ACADL: variants seen among roughly 807,000 people sequenced by gnomAD.
ACADL encodes acyl-CoA dehydrogenase long chain.
Under a neutral mutation model 56.9 loss-of-function variants are expected in ACADL, and 60 were observed. That is an observed-to-expected ratio of 1.05 (90% CI 0.86 to 1.31). The LOEUF is 1.31. Among genes scored for constraint, ACADL ranks in the 50% most tolerant of loss-of-function variants. The pLI is 0.00. For synonymous variants in ACADL, 158 were observed against 179.7 expected (o/e 0.88, Z 0.97); for missense variants, 484 against 525.5 (o/e 0.92, Z 0.77).
At chr2:210,207,136 T>C (rs1001592793) in intron 5 of ACADL, among the ~76,000 whole-genome samples, 1 of 152,222 alleles carries the variant, frequency 6.6e-6, no homozygotes, top group Non-Finnish European at 1.5e-5. Context: ...AAGTCTATTG[T>C]AATTACCTTA....
chr2:210,220,508 T>C, intron 2 of ACADL, 139 bp downstream of exon 2: 2 of 724,784 alleles, frequency 2.8e-6, no homozygotes, highest in Non-Finnish European at 4.7e-6. Flanking sequence ...GATCTTATAG[T>C]ACTACAGTGA....
In ACADL at chr2:210,224,925, T is replaced by C. The variant is rs1420711067; in HGVS notation, c.77+262A>G. On this transcript the variant is annotated intron_variant, in intron 1 of 10. Coordinates refer to ENST00000233710, the MANE Select transcript of ACADL (RefSeq NM_001608.4). ...GCTCCGGAATGAACTTCTGGAGAAA[T>C]CTTTCGGCTTTCCCCGACGTGGGCT... 5 of 1,318,400 alleles carry C rather than the reference T, an allele frequency of 3.8e-6. No homozygotes were observed. In the South Asian group the frequency reaches 5.4e-5, roughly 14 times the overall value. 81.7% of individuals were successfully genotyped at this position (1,318,400 alleles called of 1,614,324 possible). A position where few individuals can be genotyped will look rare whatever the true frequency, so the allele number is the denominator to read the frequency against.
intron 3 of ACADL, among the ~76,000 whole-genome samples, chr2:210,217,098 A>C (rs528140282): frequency 6.6e-6 from 1 of 152,268 alleles, no homozygotes; most frequent in South Asian, 2.1e-4. Context: ...CATATATTTT[A>C]ATCTTAAATA....
intron 4 of ACADL, among the ~76,000 whole-genome samples, chr2:210,212,574 C>T (rs1305285023): frequency 1.3e-5 from 2 of 152,200 alleles, no homozygotes; most frequent in Non-Finnish European, 2.9e-5. Context: ...GAATAAATTT[C>T]TGTGTCTCAA....
At chr2:210,215,914 T>G (rs1689078349) in intron 4 of ACADL, among the ~76,000 whole-genome samples, 1 of 152,208 alleles carries the variant, frequency 6.6e-6, no homozygotes, top group Non-Finnish European at 1.5e-5. Flanking sequence ...CCTGGCACAC[T>G]GAAGACACTT....
chr2:210,222,906 C>T (rs1373525780), intron 1 of ACADL, among the ~76,000 whole-genome samples: 1 of 152,126 alleles, frequency 6.6e-6, no homozygotes, highest in Non-Finnish European at 1.5e-5. Flanking sequence ...AATTATAAAG[C>T]ACGTATTTGT....
chr2:210,208,159 T>C (rs1688919956), intron 5 of ACADL, among the ~76,000 whole-genome samples: 1 of 152,200 alleles, frequency 6.6e-6, no homozygotes, highest in South Asian at 2.1e-4. Flanking sequence ...GGAATTAGTA[T>C]CTACAGTATG....
intron 9 of ACADL, 89 bp from the exon 10 acceptor site, chr2:210,192,979 T>C (rs1688659136): frequency 3.0e-6 from 3 of 986,404 alleles, no homozygotes; most frequent in African/African-American, 1.6e-5. Flanking sequence ...TTATTTACAA[T>C]TGTTTAAATG....
chr2:210,195,059 C>A, intron 9 of ACADL, 152 bp downstream of exon 9: 1 of 1,081,304 alleles, frequency 9.2e-7, no homozygotes, highest in Non-Finnish European at 1.3e-6. Flanking sequence ...CTTAATGGAA[C>A]TTTTTAGCAT....
At position 210,217,811 on chromosome 2, in the gene ACADL, G is replaced by A. The variant is rs1689111760; in HGVS notation, c.371+154C>T. 6.5e-6 allele frequency: 6 copies of A among 928,240 alleles called. No individual in the cohort carries two copies. In the Admixed American group the frequency reaches 1.3e-4, roughly 20 times the overall value. 57.5% of individuals were successfully genotyped at this position (928,240 alleles called of 1,614,324 possible). On this transcript the variant is annotated intron_variant, in intron 3 of 10. Coordinates refer to ENST00000233710, the MANE Select transcript of ACADL (RefSeq NM_001608.4). ...CCACATTCAAAAAATGTGCAAGAGT[G>A]CATGAGCGGTATAATCTTTTACATT...
At chr2:210,193,461 A>G (rs537222783) in intron 9 of ACADL, among the ~76,000 whole-genome samples, 1 of 152,278 alleles carries the variant, frequency 6.6e-6, no homozygotes, top group East Asian at 1.9e-4. Flanking sequence ...AGAAAATTAT[A>G]TAGAGATTAT....
At chr2:210,214,493 A>AAGAAAGAAAGAAAGAAAG (rs1380727449) in intron 4 of ACADL, among the ~76,000 whole-genome samples, 9 of 150,328 alleles carry the variant, frequency 6.0e-5, no homozygotes, top group Non-Finnish European at 1.3e-4. Context: ...GAAAGAAAGA[A>AAGAAAGAAAGAAAGAAAG]AGAAAGAAAG....
chr2:210,222,378 G>C (rs768744485), intron 1 of ACADL, among the ~76,000 whole-genome samples: 1 of 151,756 alleles, frequency 6.6e-6, no homozygotes, highest in Non-Finnish European at 1.5e-5. Flanking sequence ...TGTAGTAGGC[G>C]GGGCTTGGTG....
chr2:210,208,415 C>T (rs542984687), intron 5 of ACADL, among the ~76,000 whole-genome samples: 9 of 152,288 alleles, frequency 5.9e-5, no homozygotes, highest in Admixed American at 4.6e-4. Flanking sequence ...GTGGATCCCC[C>T]TTTCTAATAG....
intron 4 of ACADL, among the ~76,000 whole-genome samples, chr2:210,212,357 T>C (rs986418380): frequency 2.0e-5 from 3 of 152,030 alleles, no homozygotes; most frequent in Admixed American, 1.3e-4. Flanking sequence ...AGAGATTTCA[T>C]AGACAGAAGA....
intron 10 of ACADL, among the ~76,000 whole-genome samples, chr2:210,191,568 A>G (rs1479893500): frequency 2.0e-5 from 3 of 152,226 alleles, no homozygotes; most frequent in African/African-American, 7.2e-5. Flanking sequence ...TCTTAATGTA[A>G]TTTTAGTAAA....
intron 3 of ACADL, among the ~76,000 whole-genome samples, chr2:210,217,030 A>G (rs776600401): frequency 6.6e-6 from 1 of 151,654 alleles, no homozygotes; most frequent in Non-Finnish European, 1.5e-5. Flanking sequence ...ACACACACAA[A>G]TAAAAATTTA....
At chr2:210,210,338 T>C in intron 4 of ACADL, 76 bp from the exon 5 acceptor site, 1 of 1,102,384 alleles carries the variant, frequency 9.1e-7, no homozygotes, top group African/African-American at 1.6e-5. Flanking sequence ...AGTATGTATG[T>C]AAATTAGATT....
chr2:210,220,634 A>G lies in ACADL; in HGVS notation c.233+13T>C, dbSNP rs750412940. On this transcript the variant is annotated intron_variant, in intron 2 of 10. Transcript: ENST00000233710. Reference sequence around the variant, plus strand: ...CTAGTATACATTACATTAGAGGAAAATGTGCCACTTACTCTGAGTGATGAG... The same window carrying G: ...CTAGTATACATTACATTAGAGGAAAGTGTGCCACTTACTCTGAGTGATGAG... 6 of 1,611,870 alleles carry G rather than the reference A, an allele frequency of 3.7e-6. No individual in the cohort carries two copies. Among genetic ancestry groups the G allele is most frequent in the Non-Finnish European group, 5.1e-6 (6 of 1,178,722 alleles).
Sources: gnomAD v4.1 joint callset for allele counts (sites outside exome capture counted in the v4.1 genomes callset) on GRCh38, gnomAD v4.1.1 for gene constraint, MANE v1.5 for transcripts, NCBI Gene and HGNC (gene_info 2026-07-23, HGNC 2026-07-21) for gene names.